The following ADAMTS18 variants were observed in gnomAD, a reference collection of about 807,000 sequenced individuals.
ADAMTS18 encodes A disintegrin and metalloproteinase with thrombospondin motifs 18.
ADAMTS18 carries 157 observed loss-of-function variants against 165.9 expected under a neutral mutation model. The ratio of observed to expected loss-of-function variants is 0.95; its 90% CI spans 0.83 to 1.08. The LOEUF is 1.08. ADAMTS18 is among the 50% of genes least tolerant of loss of function. The pLI is 0.00. For synonymous variants in ADAMTS18, 782 were observed against 578.2 expected (o/e 1.35, Z -5.06); for missense variants, 2,040 against 1,534.0 (o/e 1.33, Z -5.51).
At chr16:77,394,671 C>T (rs1211807210) in intron 3 of ADAMTS18, among the ~76,000 whole-genome samples, 1 of 152,114 alleles carries the variant, frequency 6.6e-6, no homozygotes. Flanking sequence ...AGCGTTCTCA[C>T]CCAAAATTTG....
intron 12 of ADAMTS18, among the ~76,000 whole-genome samples, chr16:77,327,180 T>C (rs1275879997): frequency 3.3e-5 from 5 of 152,220 alleles, no homozygotes; most frequent in Non-Finnish European, 7.3e-5. Flanking sequence ...GTCTTTATGG[T>C]AGAACAATTT....
chr16:77,331,391 A>G (rs1246513885), intron 12 of ADAMTS18, among the ~76,000 whole-genome samples: 1 of 152,222 alleles, frequency 6.6e-6, no homozygotes, highest in East Asian at 1.9e-4. Flanking sequence ...TGATGATTTT[A>G]ACAACTCAAC....
intron 16 of ADAMTS18, among the ~76,000 whole-genome samples, chr16:77,316,826 C>T (rs1024230466): frequency 3.3e-5 from 5 of 152,036 alleles, no homozygotes; most frequent in South Asian, 2.1e-4. Flanking sequence ...TGCACCACCA[C>T]GCCTGGCTAA....
intron 8 of ADAMTS18, 125 bp from the exon 9 acceptor site, chr16:77,356,202 T>C (rs891331252): frequency 6.0e-5 from 79 of 1,323,048 alleles, no homozygotes; most frequent in Non-Finnish European, 2.6e-5. Context: ...TTATTAAAAC[T>C]GGAAAAGAGA....
chr16:77,289,750 C>G (rs1287968207), intron 21 of ADAMTS18, among the ~76,000 whole-genome samples: 1 of 152,190 alleles, frequency 6.6e-6, no homozygotes, highest in Non-Finnish European at 1.5e-5. Flanking sequence ...GAGTTAATCA[C>G]AGGATTTAAA....
intron 10 of ADAMTS18, among the ~76,000 whole-genome samples, chr16:77,344,277 G>A (rs1166845120): frequency 6.6e-6 from 1 of 151,670 alleles, no homozygotes; most frequent in African/African-American, 2.4e-5. Context: ...AACACCACCA[G>A]CTGCCCCAGA....
intron 7 of ADAMTS18, among the ~76,000 whole-genome samples, 176 bp from the exon 8 acceptor site, chr16:77,359,599 T>C (rs542651453): frequency 4.6e-5 from 7 of 152,104 alleles, no homozygotes; most frequent in African/African-American, 1.4e-4. Context: ...GTAATGATAA[T>C]GTATAAATGC....
At chr16:77,333,642 C>A (rs1298031677) in intron 12 of ADAMTS18, among the ~76,000 whole-genome samples, 1 of 151,448 alleles carries the variant, frequency 6.6e-6, no homozygotes, top group Non-Finnish European at 1.5e-5. Flanking sequence ...TATCTGTATT[C>A]CCATGTTCAA....
At position 77,362,140 on chromosome 16, in the gene ADAMTS18, A is replaced by G; in HGVS notation, c.1181T>C (p.Ile394Thr). ...DHAILLTGFDICSWKNEPCDT... is the reference protein window; with the variant it reads ...DHAILLTGFDTCSWKNEPCDT... ...ACATGGTTCATTCTTCCAAGAACAA[A>G]TATCAAATCCTGTTAGTAAGATGGC... Residue 394 changes from isoleucine (I) to threonine (T), a missense_variant, in exon 7 of 23, where the codon ATT becomes ACT. By Grantham distance (89) the Ile-to-Thr change is moderately conservative. Coordinates refer to ENST00000282849, the MANE Select transcript of ADAMTS18 (RefSeq NM_199355.4). 1 of 1,614,114 alleles carries G rather than the reference A, an allele frequency of 6.2e-7. No homozygotes were observed.
chr16:77,429,063 C>A (rs938717803), intron 3 of ADAMTS18, among the ~76,000 whole-genome samples: 3 of 152,116 alleles, frequency 2.0e-5, no homozygotes, highest in Admixed American at 6.5e-5. Flanking sequence ...GCAGAAATAC[C>A]ATTCAACCTA....
chr16:77,382,243 C>T (rs930535676), intron 3 of ADAMTS18, among the ~76,000 whole-genome samples: 3 of 152,176 alleles, frequency 2.0e-5, no homozygotes, highest in African/African-American at 7.2e-5. Context: ...GACAGAGTCG[C>T]TCTGTTGCCC....
intron 3 of ADAMTS18, among the ~76,000 whole-genome samples, chr16:77,374,835 A>C (rs1008561697): frequency 4.6e-5 from 7 of 152,222 alleles, no homozygotes; most frequent in African/African-American, 1.7e-4. Flanking sequence ...TCCTATTCAG[A>C]GTGACAAGGA....
At chr16:77,433,945 G>T (rs78622374) in intron 2 of ADAMTS18, among the ~76,000 whole-genome samples, 2,484 of 151,882 alleles carry the variant, frequency 0.016, 86 homozygotes, top group African/African-American at 0.057. Flanking sequence ...TAAAACAAGG[G>T]AAGCAGAAAT....
At chr16:77,403,725 T>C (rs1322646834) in intron 3 of ADAMTS18, among the ~76,000 whole-genome samples, 1 of 152,180 alleles carries the variant, frequency 6.6e-6, no homozygotes, top group Non-Finnish European at 1.5e-5. Context: ...ATGTTGAATA[T>C]TCATATACAT....
intron 12 of ADAMTS18, among the ~76,000 whole-genome samples, chr16:77,332,233 G>A (rs564453218): frequency 1.3e-5 from 2 of 152,280 alleles, no homozygotes; most frequent in Admixed American, 6.5e-5. Flanking sequence ...CTTAAATTAT[G>A]TTGTAAATTA....
At chr16:77,297,219 A>C in intron 18 of ADAMTS18, 70 bp downstream of exon 18, 5 of 1,589,748 alleles carry the variant, frequency 3.1e-6, no homozygotes, top group Non-Finnish European at 4.3e-6. Context: ...GTGAGCTTTC[A>C]TCATCTCATA....
At chr16:77,288,551 T>G (rs1353617870) in intron 22 of ADAMTS18, among the ~76,000 whole-genome samples, 1 of 152,130 alleles carries the variant, frequency 6.6e-6, no homozygotes, top group East Asian at 1.9e-4. Flanking sequence ...TCACTGCACT[T>G]CCCTTGAACT....
intron 5 of ADAMTS18, 145 bp downstream of exon 5, chr16:77,364,043 C>A: frequency 7.8e-7 from 1 of 1,278,958 alleles, no homozygotes. Context: ...AAAATAAAAC[C>A]ACATATGTAG....
rs1172178541 is a variant in ADAMTS18 at position 77,349,984 on chromosome 16, A to G, written c.1614+3749T>C. 2.6e-5 allele frequency among the ~76,000 whole-genome samples: 4 copies of G among 152,338 alleles called. No homozygotes were observed. The East Asian group carries it at 7.7e-4, about 29-fold the overall frequency. On this transcript the variant is annotated intron_variant, in intron 10 of 22. Coordinates refer to ENST00000282849, the MANE Select transcript of ADAMTS18 (RefSeq NM_199355.4). ...TACTGAGGTACAGGGTCAGCTAAAG[A>G]GGATGCATTTGTTCAGCTGCTCACT...
Sources: gnomAD v4.1 joint callset for allele counts (sites outside exome capture counted in the v4.1 genomes callset) on GRCh38, gnomAD v4.1.1 for gene constraint, MANE v1.5 for transcripts, NCBI Gene and HGNC (gene_info 2026-07-23, HGNC 2026-07-21) for gene names.